STK33: variants seen among roughly 807,000 people sequenced by gnomAD.
STK33 encodes serine/threonine-protein kinase 33.
STK33 carries 52 observed loss-of-function variants against 58.0 expected under a neutral mutation model. That is an observed-to-expected ratio of 0.90 (90% CI 0.72 to 1.13). The LOEUF is 1.13. Ranked by LOEUF, STK33 falls within the 50% of genes most tolerant of loss-of-function variation. STK33 has a pLI of 0.00. For missense variants in STK33, 630 were observed against 604.2 expected, an observed-to-expected ratio of 1.04 and a Z score of -0.45; for synonymous variants, 215 against 200.1, an observed-to-expected ratio of 1.07 and a Z score of -0.63.
intron 1 of STK33, among the ~76,000 whole-genome samples, chr11:8,507,930 G>A (rs150700734): frequency 1.1e-3 from 163 of 152,110 alleles, no homozygotes; most frequent in East Asian, 8.7e-3. Flanking sequence ...TCACTCTGTC[G>A]CCCATGTTGC....
At chr11:8,452,546 G>A (rs988232036) in intron 11 of STK33, among the ~76,000 whole-genome samples, 1 of 152,124 alleles carries the variant, frequency 6.6e-6, no homozygotes, top group Non-Finnish European at 1.5e-5. Context: ...CTTGGGAAAG[G>A]AGAGGCTGGA....
downstream of STK33, among the ~76,000 whole-genome samples, chr11:8,389,994 CCCT>C (rs1225079235): frequency 2.6e-5 from 4 of 152,296 alleles, no homozygotes; most frequent in East Asian, 7.7e-4. Context: ...AGCAGTGCTT[CCCT>C]CCTCTCGCTC....
At chr11:8,363,268 A>C in the STK33 span, among the ~76,000 whole-genome samples, 2 of 152,238 alleles carry the variant, frequency 1.3e-5, no homozygotes, top group Non-Finnish European at 2.9e-5. Context: ...ATGGAGCTGC[A>C]CAAAATTCAC....
At chr11:8,447,252 T>C (rs1044807581) in intron 11 of STK33, among the ~76,000 whole-genome samples, 17 of 152,048 alleles carry the variant, frequency 1.1e-4, no homozygotes, top group African/African-American at 4.1e-4. Context: ...TTTCAATCAA[T>C]AGAGAAAGAG....
the STK33 span, among the ~76,000 whole-genome samples, chr11:8,372,153 C>T: frequency 6.6e-6 from 1 of 152,134 alleles, no homozygotes; most frequent in Non-Finnish European, 1.5e-5. Flanking sequence ...CAGGTGTGAG[C>T]CACCATGCCC....
At chr11:8,583,915 A>G (rs1166983653) in intron 1 of STK33, among the ~76,000 whole-genome samples, 4 of 152,164 alleles carry the variant, frequency 2.6e-5, no homozygotes, top group Admixed American at 1.3e-4. Context: ...GGGACTAAGG[A>G]ATGGCTTATT....
rs1343520055 is a variant in STK33, at chr11:8,413,536, G to A, written c.1303C>T (p.Pro435Ser). Reference protein sequence around the residue: ...LKSYQPWGNVPDANYTSDEEE... With the variant: ...LKSYQPWGNVSDANYTSDEEE... ...TCATCTGAAGTGTAATTGGCATCAGGGACATTTCCCCAGGGTTGGTAACTT... is the reference window on the plus strand; with the variant it reads ...TCATCTGAAGTGTAATTGGCATCAGAGACATTTCCCCAGGGTTGGTAACTT... The change falls in exon 15 of 16, where the codon CCT (proline) becomes TCT (serine). Residue 435 changes from proline (P) to serine (S), a missense_variant. By Grantham distance (74) the Pro-to-Ser change is moderately conservative (BLOSUM62 -1). Coordinates refer to ENST00000687296, the MANE Select transcript of STK33 (RefSeq NM_001352389.2). 1.2e-6 allele frequency: 2 copies of A among 1,613,806 alleles called. No homozygotes were observed. The highest frequency in any genetic ancestry group is 2.7e-5 in the African/African-American group (2 of 74,878).
intron 1 of STK33, among the ~76,000 whole-genome samples, chr11:8,527,994 G>A (rs1289883679): frequency 1.3e-5 from 2 of 152,092 alleles, no homozygotes; most frequent in Non-Finnish European, 2.9e-5. Context: ...TTTTCATGAT[G>A]TTTACCTACA....
At chr11:8,499,738 C>A (rs1951364026) in intron 1 of STK33, among the ~76,000 whole-genome samples, 1 of 152,030 alleles carries the variant, frequency 6.6e-6, no homozygotes, top group Admixed American at 6.5e-5. Flanking sequence ...TACTATGCAG[C>A]CATAAAAAAG....
At chr11:8,434,868 C>T (rs1385077499) in intron 14 of STK33, among the ~76,000 whole-genome samples, 3 of 152,096 alleles carry the variant, frequency 2.0e-5, no homozygotes, top group Non-Finnish European at 4.4e-5. Context: ...GCAATGTTTC[C>T]AACTAACAGT....
chr11:8,544,956 A>C (rs1223269294), intron 1 of STK33, among the ~76,000 whole-genome samples: 4 of 152,234 alleles, frequency 2.6e-5, no homozygotes, highest in African/African-American at 9.6e-5. Context: ...AAACTGCATC[A>C]GCTAAAACCA....
chr11:8,514,528 C>T (rs117859099), intron 1 of STK33, among the ~76,000 whole-genome samples: 2 of 152,116 alleles, frequency 1.3e-5, no homozygotes, highest in Non-Finnish European at 2.9e-5. Flanking sequence ...AGGGATCATG[C>T]GGATAAGAAA....
At chr11:8,573,299 G>T (rs1337847062) in intron 1 of STK33, among the ~76,000 whole-genome samples, 1 of 152,156 alleles carries the variant, frequency 6.6e-6, no homozygotes, top group Non-Finnish European at 1.5e-5. Flanking sequence ...ACTTTTCACA[G>T]AAGAAGATAC....
intron 1 of STK33, among the ~76,000 whole-genome samples, chr11:8,554,124 A>G (rs1956559501): frequency 6.6e-6 from 1 of 152,150 alleles, no homozygotes. Context: ...ACCTGATCAA[A>G]AAATGAGTGA....
intron 14 of STK33, among the ~76,000 whole-genome samples, chr11:8,417,595 A>G (rs939533318): frequency 6.6e-6 from 1 of 152,206 alleles, no homozygotes; most frequent in African/African-American, 2.4e-5. Flanking sequence ...GATCTTTAGC[A>G]TGCAGTCACC....
chr11:8,402,423 G>A (rs955681950), intron 15 of STK33, among the ~76,000 whole-genome samples: 1 of 152,036 alleles, frequency 6.6e-6, no homozygotes, highest in African/African-American at 2.4e-5. Context: ...AATGAGAACA[G>A]ATGGACACAG....
At chr11:8,435,609 C>G in intron 13 of STK33, 30 bp from the exon 14 acceptor site, 1 of 1,316,692 alleles carries the variant, frequency 7.6e-7, no homozygotes, top group South Asian at 1.7e-5. Flanking sequence ...CCTGAAAAAT[C>G]TTATTTAACT....
chr11:8,357,177 C>A, the STK33 span, among the ~76,000 whole-genome samples: 1 of 152,246 alleles, frequency 6.6e-6, no homozygotes, highest in Non-Finnish European at 1.5e-5. Context: ...TCAAGTTTCC[C>A]GTCCTCTGTT....
the STK33 span, among the ~76,000 whole-genome samples, chr11:8,358,170 C>A: frequency 7.5e-4 from 115 of 152,350 alleles, 3 homozygotes; most frequent in East Asian, 0.021. Context: ...ACCGGCTGCC[C>A]ACCAGTGGCC....
Sources: gnomAD v4.1 joint callset for allele counts (sites outside exome capture counted in the v4.1 genomes callset) on GRCh38, gnomAD v4.1.1 for gene constraint, MANE v1.5 for transcripts, NCBI Gene and HGNC (gene_info 2026-07-23, HGNC 2026-07-21) for gene names.